The following KLHL2 variants were observed in gnomAD, a reference collection of about 807,000 sequenced individuals.
KLHL2 encodes the protein kelch like family member 2.
Under a neutral mutation model 75.8 loss-of-function variants are expected in KLHL2, and 15 were observed. The observed-to-expected ratio is 0.20, with a 90% confidence interval of 0.13 to 0.30. The LOEUF is 0.30. KLHL2 is among the 10% of genes least tolerant of loss of function. KLHL2 has a pLI of 1.00. For synonymous variants in KLHL2, 214 were observed against 251.9 expected, an observed-to-expected ratio of 0.85 and a Z score of 1.42; for missense variants, 381 against 741.0, an observed-to-expected ratio of 0.51 and a Z score of 5.64.
At chr4:165,263,404 G>C in intron 5 of KLHL2, 45 bp downstream of exon 5, 1 of 1,600,824 alleles carries the variant, frequency 6.2e-7, no homozygotes, top group Non-Finnish European at 8.5e-7. Flanking sequence ...AAACTGCTTG[G>C]TTTTTGATAT....
In KLHL2 at chr4:165,215,820, A is replaced by G. The variant is rs1427513711; in HGVS notation, c.27-4114A>G. ...AGGTAAGTTGGTGGCAGGACATATT[A>G]CATGACTTTTGTTATTATTATTATT... is the stretch of plus-strand genomic sequence containing the variant. On this transcript the variant is annotated intron_variant, in intron 1 of 14. Transcript: ENST00000226725. 4.6e-5 allele frequency among the ~76,000 whole-genome samples: 7 copies of G among 152,260 alleles called. No individual in the cohort carries two copies. In the East Asian group the frequency reaches 1.3e-3, roughly 29 times the overall value.
At chr4:165,281,128 C>T (rs1743636501) in intron 5 of KLHL2, among the ~76,000 whole-genome samples, 1 of 151,678 alleles carries the variant, frequency 6.6e-6, no homozygotes, top group Non-Finnish European at 1.5e-5. Flanking sequence ...ATTGTGGAGA[C>T]CCATCATGGC....
At chr4:165,321,180 TTCCTTAAAGTTGCACC>T (rs1416229115) in intron 14 of KLHL2, 1 of 449,898 alleles carries the variant, frequency 2.2e-6, no homozygotes, top group East Asian at 7.0e-5. Flanking sequence ...AACAGTGTAT[TTCCTTAAAGTTGCACC>T]AAGTGTGTCT....
At chr4:165,303,759 C>T (rs1433207425) in intron 8 of KLHL2, among the ~76,000 whole-genome samples, 13 of 151,762 alleles carry the variant, frequency 8.6e-5, no homozygotes, top group East Asian at 7.8e-4. Flanking sequence ...GACGGGGTTT[C>T]GCCATCTTGG....
chr4:165,239,264 C>CCTTTTTTTTTTTT (rs1560997161), intron 4 of KLHL2, among the ~76,000 whole-genome samples: 1 of 134,852 alleles, frequency 7.4e-6, no homozygotes, highest in African/African-American at 2.7e-5. Flanking sequence ...TTATTTCTGT[C>CCTTTTTTTTTTTT]TTTTTTTTTT....
intron 2 of KLHL2, among the ~76,000 whole-genome samples, chr4:165,227,197 T>A (rs1306018262): frequency 2.0e-5 from 3 of 152,102 alleles, no homozygotes; most frequent in Non-Finnish European, 4.4e-5. Flanking sequence ...CTGCTTTATG[T>A]CTCATACAGC....
At chr4:165,272,134 A>G (rs541415746) in intron 5 of KLHL2, among the ~76,000 whole-genome samples, 48 of 152,288 alleles carry the variant, frequency 3.2e-4, no homozygotes, top group Admixed American at 7.2e-4. Context: ...ATTGATTTCT[A>G]TTGGGTGGCC....
rs1007306340 is a variant in KLHL2 at position 165,304,196 on chromosome 4, C to A, written c.922-1412C>A. 3.3e-5 allele frequency among the ~76,000 whole-genome samples: 5 copies of A among 152,080 alleles called. No individual in the cohort carries two copies. The South Asian group carries it at 1.0e-3, about 31-fold the overall frequency. The stretch of plus-strand genomic sequence containing the variant: ...ATACCTGGCCAAGAAGAATAACAGG[C>A]CTGAAAAAAATTATGTAGTTGGTTT... On this transcript the variant is annotated intron_variant, in intron 8 of 14. Transcript: ENST00000226725.
intron 3 of KLHL2, among the ~76,000 whole-genome samples, chr4:165,236,046 G>A (rs893129482): frequency 2.6e-5 from 4 of 152,070 alleles, no homozygotes. Flanking sequence ...AAAATAATTA[G>A]GAGGTGGCTA....
At chr4:165,305,882 C>G (rs1745690870) in intron 9 of KLHL2, among the ~76,000 whole-genome samples, 157 bp downstream of exon 9, 2 of 152,172 alleles carry the variant, frequency 1.3e-5, no homozygotes, top group Admixed American at 6.5e-5. Flanking sequence ...ATATGCCTCT[C>G]AAGACATTGA....
chr4:165,231,081 C>T (rs1282224576), intron 3 of KLHL2, among the ~76,000 whole-genome samples: 1 of 152,178 alleles, frequency 6.6e-6, no homozygotes, highest in Non-Finnish European at 1.5e-5. Flanking sequence ...TAATTTCTGG[C>T]ACATATACAA....
intron 8 of KLHL2, among the ~76,000 whole-genome samples, chr4:165,304,861 A>G (rs1745606270): frequency 6.6e-6 from 1 of 152,176 alleles, no homozygotes; most frequent in African/African-American, 2.4e-5. Context: ...CATGTCTTAT[A>G]TTTCTTATGT....
At chr4:165,239,213 G>A (rs1739604868) in intron 4 of KLHL2, among the ~76,000 whole-genome samples, 1 of 151,202 alleles carries the variant, frequency 6.6e-6, no homozygotes, top group East Asian at 1.9e-4. Flanking sequence ...TTCCTTGGAA[G>A]GATATAGTCT....
intron 4 of KLHL2, among the ~76,000 whole-genome samples, chr4:165,247,410 G>A (rs1740349780): frequency 6.6e-6 from 1 of 152,104 alleles, no homozygotes; most frequent in Non-Finnish European, 1.5e-5. Flanking sequence ...GAGTTTAAGG[G>A]TGTTTTTGTT....
chr4:165,242,825 T>C (rs1468559859), intron 4 of KLHL2, among the ~76,000 whole-genome samples: 1 of 152,176 alleles, frequency 6.6e-6, no homozygotes, highest in Non-Finnish European at 1.5e-5. Flanking sequence ...ATATAAAAAA[T>C]ATAAATATAT....
intron 1 of KLHL2, chr4:165,210,142 TATGG>T: frequency 6.4e-7 from 1 of 1,551,742 alleles, no homozygotes; most frequent in Non-Finnish European, 8.7e-7. Flanking sequence ...TAAAGTGCCT[TATGG>T]TATGGTTGGA....
rs566569206 is a variant in KLHL2, at chr4:165,274,712, C to G, written c.544+11353C>G. On this transcript the variant is annotated intron_variant, in intron 5 of 14. Transcript: ENST00000226725. Reference sequence around the variant, plus strand: ...ATTTCTTTCTCTTGCCCATTGGAAACAAGCTTTCTAGAATACATTATAATT... The same window carrying G: ...ATTTCTTTCTCTTGCCCATTGGAAAGAAGCTTTCTAGAATACATTATAATT... 1.1e-4 allele frequency among the ~76,000 whole-genome samples: 16 copies of G among 152,070 alleles called. No homozygotes were observed. The East Asian group carries it at 3.1e-3, about 29-fold the overall frequency.
rs1350945908 is a variant in KLHL2, at chr4:165,319,923, C to T, written c.1753+1954C>T. ...AAAAAGGAAAGTCATTATGTGACAA[C>T]CTGAAGCAAAAGGAAGGTGAAGGAT... On this transcript the variant is annotated intron_variant, in intron 14 of 14. Transcript: ENST00000226725. The surrounding 1 kb of genome is among the most constrained non-coding windows in gnomAD (Gnocchi z 4.5). 6.6e-6 allele frequency among the ~76,000 whole-genome samples: 1 copy of T among 152,058 alleles called. No homozygotes were observed. Among genetic ancestry groups the T allele is most frequent in the African/African-American group, 2.4e-5 (1 of 41,384 alleles).
At chr4:165,224,804 A>C (rs1738303751) in intron 2 of KLHL2, among the ~76,000 whole-genome samples, 1 of 152,256 alleles carries the variant, frequency 6.6e-6, no homozygotes, top group African/African-American at 2.4e-5. Flanking sequence ...CATTAGAGTA[A>C]ATGGGATATC....
Sources: gnomAD v4.1 joint callset for allele counts (sites outside exome capture counted in the v4.1 genomes callset) on GRCh38, gnomAD v4.1.1 for gene constraint, Gnocchi (gnomAD v3.1) non-coding constraint, MANE v1.5 for transcripts, NCBI Gene and HGNC (gene_info 2026-07-23, HGNC 2026-07-21) for gene names.